Variants in NRG1 observed in about 807,000 individuals in gnomAD.
NRG1 encodes neuregulin 1, also known as pro-neuregulin-1, membrane-bound isoform.
Under a neutral mutation model 63.8 loss-of-function variants are expected in NRG1, and 18 were observed. The ratio of observed to expected loss-of-function variants is 0.28; its 90% CI spans 0.19 to 0.42. NRG1 has a LOEUF of 0.42. Among genes scored for constraint, NRG1 ranks in the 10% least tolerant of loss-of-function variants. The probability of loss-of-function intolerance (pLI) is 1.00; values close to 1 mark genes in which losing one functional copy is unlikely to be tolerated. For synonymous variants in NRG1, 302 were observed against 301.3 expected, an observed-to-expected ratio of 1.00 and a Z score of -0.02; for missense variants, 762 against 814.7, an observed-to-expected ratio of 0.94 and a Z score of 0.79.
At chr8:32,615,855 A>G (rs1847254674) in intron 4 of NRG1, among the ~76,000 whole-genome samples, 1 of 147,236 alleles carries the variant, frequency 6.8e-6, no homozygotes, top group Admixed American at 7.0e-5. Context: ...GGAAGGAAGG[A>G]AAAAAGAGGA....
chr8:31,915,455 G>A (rs1375353837), intron 1 of NRG1, among the ~76,000 whole-genome samples: 2 of 152,004 alleles, frequency 1.3e-5, no homozygotes, highest in Non-Finnish European at 2.9e-5. Context: ...TACCCCACTA[G>A]CTCTGTCAGC....
intron 1 of NRG1, among the ~76,000 whole-genome samples, chr8:31,920,879 G>A (rs1010840798): frequency 8.4e-6 from 1 of 119,716 alleles, no homozygotes; most frequent in Non-Finnish European, 1.8e-5. Flanking sequence ...TAGATAGATA[G>A]ATAGGTAGAT....
intron 1 of NRG1, among the ~76,000 whole-genome samples, chr8:32,311,938 T>C (rs887508921): frequency 2.0e-5 from 3 of 152,106 alleles, no homozygotes; most frequent in African/African-American, 7.2e-5. Context: ...AAAGTTGAAA[T>C]TGCTTCCGAT....
At chr8:31,974,303 C>G (rs181077392) in intron 1 of NRG1, among the ~76,000 whole-genome samples, 77 of 152,188 alleles carry the variant, frequency 5.1e-4, no homozygotes, top group Non-Finnish European at 1.6e-4. Flanking sequence ...GTAGCTGGAA[C>G]TACAGGTGCA....
chr8:32,510,725 C>T (rs1005422128), intron 1 of NRG1, among the ~76,000 whole-genome samples: 7 of 152,006 alleles, frequency 4.6e-5, no homozygotes, highest in Non-Finnish European at 7.4e-5. Context: ...TCAGGGCCAC[C>T]GCACCCTAAG....
At chr8:32,589,412 G>A (rs1842153300) in intron 1 of NRG1, among the ~76,000 whole-genome samples, 1 of 152,216 alleles carries the variant, frequency 6.6e-6, no homozygotes, top group South Asian at 2.1e-4. Flanking sequence ...TAACATAATT[G>A]TCAGTCACCG....
intron 1 of NRG1, among the ~76,000 whole-genome samples, chr8:32,139,876 A>C (rs1392435738): frequency 1.3e-5 from 2 of 152,256 alleles, no homozygotes; most frequent in Non-Finnish European, 2.9e-5. Context: ...TTGGGGATAC[A>C]AAGTAGCTTC....
intron 1 of NRG1, among the ~76,000 whole-genome samples, chr8:32,081,296 T>A (rs1036366072): frequency 6.6e-6 from 1 of 152,158 alleles, no homozygotes; most frequent in African/African-American, 2.4e-5. Context: ...AACATATGCA[T>A]TTTGAGGAGA....
intron 1 of NRG1, among the ~76,000 whole-genome samples, chr8:32,405,402 G>T (rs1813821044): frequency 6.6e-6 from 1 of 152,178 alleles, no homozygotes; most frequent in African/African-American, 2.4e-5. Context: ...CAAGTACTAT[G>T]GTGACTTCTT....
chr8:32,511,458 T>A (rs1289078903), intron 1 of NRG1, among the ~76,000 whole-genome samples: 1 of 150,328 alleles, frequency 6.7e-6, no homozygotes, highest in African/African-American at 2.4e-5. Context: ...AAACCCCGTC[T>A]GTCTTTAGTT....
chr8:32,561,669 C>T (rs1311738176), intron 1 of NRG1, among the ~76,000 whole-genome samples: 3 of 152,200 alleles, frequency 2.0e-5, no homozygotes, highest in Non-Finnish European at 2.9e-5. Flanking sequence ...CTGAGTCACT[C>T]GCTTGCATCT....
At chr8:32,470,219 T>C (rs369433448) in intron 1 of NRG1, among the ~76,000 whole-genome samples, 1,809 of 135,304 alleles carry the variant, frequency 0.013, 41 homozygotes, top group African/African-American at 0.046. Context: ...CTCGCTCTGT[T>C]GCCCAGGCTG....
At chr8:32,756,148 G>A (rs560520168) in intron 8 of NRG1, among the ~76,000 whole-genome samples, 2 of 152,220 alleles carry the variant, frequency 1.3e-5, no homozygotes, top group East Asian at 3.9e-4. Context: ...AGTTATTTGT[G>A]TTATCCTATT....
intron 1 of NRG1, among the ~76,000 whole-genome samples, chr8:32,150,714 C>G (rs540824773): frequency 6.6e-6 from 1 of 152,278 alleles, no homozygotes; most frequent in Non-Finnish European, 1.5e-5. Flanking sequence ...CCCACAGGCT[C>G]CTGAGCATCT....
intron 1 of NRG1, among the ~76,000 whole-genome samples, chr8:32,478,663 A>T (rs1824847085): frequency 6.6e-6 from 1 of 152,218 alleles, no homozygotes; most frequent in Non-Finnish European, 1.5e-5. Flanking sequence ...TCCAAGGAAG[A>T]CAGAAGTGTA....
intron 1 of NRG1, among the ~76,000 whole-genome samples, chr8:32,388,831 A>T (rs1286984479): frequency 6.6e-6 from 1 of 151,782 alleles, no homozygotes; most frequent in Non-Finnish European, 1.5e-5. Context: ...TTTGGGGGGG[A>T]AATAGGAATG....
chr8:31,789,456 G>T (rs2131650266), intron 1 of NRG1, among the ~76,000 whole-genome samples: 1 of 152,326 alleles, frequency 6.6e-6, no homozygotes, highest in African/African-American at 2.4e-5. Context: ...AAGACTGGTA[G>T]TATATGCTGC....
chr8:32,640,278 C>T (rs182131194), intron 5 of NRG1, among the ~76,000 whole-genome samples: 124 of 150,986 alleles, frequency 8.2e-4, no homozygotes, highest in East Asian at 7.3e-3. Context: ...CACACACGCA[C>T]GCACACACAC....
At chr8:32,678,980 GA>G (rs1449557535) in intron 5 of NRG1, among the ~76,000 whole-genome samples, 1 of 151,754 alleles carries the variant, frequency 6.6e-6, no homozygotes, top group Non-Finnish European at 1.5e-5. Context: ...AAAAATATAA[GA>G]AAAAGAATGG....
Sources: gnomAD v4.1 joint callset for allele counts (sites outside exome capture counted in the v4.1 genomes callset) on GRCh38, gnomAD v4.1.1 for gene constraint, MANE v1.5 for transcripts, NCBI Gene and HGNC (gene_info 2026-07-23, HGNC 2026-07-21) for gene names.